GALNTL6: variants seen among roughly 807,000 people sequenced by gnomAD.
GALNTL6 encodes polypeptide N-acetylgalactosaminyltransferase like 6.
Under a neutral mutation model 73.7 loss-of-function variants are expected in GALNTL6, and 46 were observed. The observed-to-expected ratio is 0.62, with a 90% CI of 0.49 to 0.80. GALNTL6 has a LOEUF of 0.80. Ranked by LOEUF, GALNTL6 falls within the 30% of genes least tolerant of loss-of-function variation. The probability of loss-of-function intolerance (pLI) is 0.00; values close to 1 mark genes in which losing one functional copy is unlikely to be tolerated. For missense variants in GALNTL6, 604 were observed against 755.0 expected, an observed-to-expected ratio of 0.80 and a Z score of 2.34; for synonymous variants, 259 against 263.7, an observed-to-expected ratio of 0.98 and a Z score of 0.17.
intron 5 of GALNTL6, among the ~76,000 whole-genome samples, chr4:172,497,780 G>A (rs1034097233): frequency 3.2e-4 from 48 of 152,226 alleles, no homozygotes; most frequent in African/African-American, 9.1e-4. Context: ...AGAAAAATAC[G>A]AAAGGAAAGG....
intron 3 of GALNTL6, among the ~76,000 whole-genome samples, chr4:172,282,733 A>G (rs968617776): frequency 6.6e-6 from 1 of 151,898 alleles, no homozygotes; most frequent in African/African-American, 2.4e-5. Context: ...TAAAAGGATT[A>G]GGGTGATGGC....
At chr4:171,922,934 GA>G (rs755857857) in intron 2 of GALNTL6, among the ~76,000 whole-genome samples, 10 of 151,942 alleles carry the variant, frequency 6.6e-5, no homozygotes, top group Admixed American at 5.2e-4. Flanking sequence ...ATTGTCTCAA[GA>G]TACATAATTG....
At chr4:172,277,841 C>T (rs1738892285) in intron 3 of GALNTL6, among the ~76,000 whole-genome samples, 1 of 152,146 alleles carries the variant, frequency 6.6e-6, no homozygotes, top group African/African-American at 2.4e-5. Context: ...TAATTTTTAA[C>T]ATATTTCATT....
chr4:172,266,691 CT>C (rs1163256766), intron 3 of GALNTL6, among the ~76,000 whole-genome samples: 1 of 151,994 alleles, frequency 6.6e-6, no homozygotes, highest in African/African-American at 2.4e-5. Flanking sequence ...TTTTTCATCC[CT>C]TTCCCTACAG....
intron 5 of GALNTL6, among the ~76,000 whole-genome samples, chr4:172,518,227 C>T (rs1448494220): frequency 6.6e-6 from 1 of 151,810 alleles, no homozygotes; most frequent in Non-Finnish European, 1.5e-5. Context: ...ATTTTTTCAT[C>T]TATTTTTCTT....
rs1223861286 is a variant in GALNTL6 at position 172,068,635 on chromosome 4, T to C, written c.139-161021T>C. Among the ~76,000 whole-genome samples the C allele has an allele frequency of 1.8e-5, 2 of 110,028 alleles. 1 individual carries two copies. 72.2% of individuals were successfully genotyped at this position (110,028 alleles called of 152,430 possible). A position where few individuals can be genotyped will look rare whatever the true frequency, so the allele number is the denominator to read the frequency against. ...CCAGTCGCTCTTTATTCCATCACTC[T>C]AGTTTGTTCTTTTTTACACATTAAT... is the stretch of plus-strand genomic sequence containing the variant. On this transcript the variant is annotated intron_variant, in intron 2 of 12. Transcript: ENST00000506823.
At chr4:172,486,470 A>G (rs543271498) in intron 5 of GALNTL6, among the ~76,000 whole-genome samples, 39 of 152,314 alleles carry the variant, frequency 2.6e-4, no homozygotes, top group African/African-American at 8.9e-4. Context: ...TCTTATTTTC[A>G]AGTTCTTTAA....
chr4:172,190,805 C>G (rs937485441), intron 2 of GALNTL6, among the ~76,000 whole-genome samples: 5 of 152,200 alleles, frequency 3.3e-5, no homozygotes, highest in African/African-American at 1.2e-4. Context: ...CACACTGTGA[C>G]GAAGGAAAAT....
intron 2 of GALNTL6, among the ~76,000 whole-genome samples, chr4:172,103,982 T>C (rs1430544812): frequency 6.6e-6 from 1 of 151,878 alleles, no homozygotes; most frequent in Non-Finnish European, 1.5e-5. Flanking sequence ...CTCGCTCTTT[T>C]GCCCAGGCTG....
chr4:172,377,912 A>G (rs1174771552), intron 5 of GALNTL6, among the ~76,000 whole-genome samples: 2 of 142,006 alleles, frequency 1.4e-5, no homozygotes, highest in Non-Finnish European at 3.1e-5. Context: ...CCCCCCCCCC[A>G]TGCCTCTTCC....
At chr4:171,989,243 G>A (rs1337930811) in intron 2 of GALNTL6, among the ~76,000 whole-genome samples, 1 of 152,118 alleles carries the variant, frequency 6.6e-6, no homozygotes, top group East Asian at 1.9e-4. Flanking sequence ...TCAAAGCTTG[G>A]TGTCCGTGAT....
chr4:171,954,385 G>A (rs1738981968), intron 2 of GALNTL6, among the ~76,000 whole-genome samples: 1 of 152,130 alleles, frequency 6.6e-6, no homozygotes, highest in African/African-American at 2.4e-5. Context: ...ATGAGGACTA[G>A]CTTGTGTTGT....
At chr4:172,036,376 T>A (rs1741930329) in intron 2 of GALNTL6, among the ~76,000 whole-genome samples, 1 of 152,128 alleles carries the variant, frequency 6.6e-6, no homozygotes, top group Non-Finnish European at 1.5e-5. Context: ...TCACACGATG[T>A]CAGTAACTAA....
At chr4:172,254,592 T>C (rs1018745007) in intron 3 of GALNTL6, among the ~76,000 whole-genome samples, 1 of 151,776 alleles carries the variant, frequency 6.6e-6, no homozygotes, top group African/African-American at 2.4e-5. Context: ...TTTCATAAAG[T>C]GTAACATTAT....
intron 2 of GALNTL6, among the ~76,000 whole-genome samples, chr4:172,172,568 AAGG>A (rs1201687935): frequency 6.6e-6 from 1 of 151,998 alleles, no homozygotes; most frequent in Non-Finnish European, 1.5e-5. Context: ...GTAAAAACAC[AAGG>A]AGGAGAAGAC....
intron 7 of GALNTL6, among the ~76,000 whole-genome samples, chr4:172,850,332 A>C (rs1236560415): frequency 6.6e-6 from 1 of 152,198 alleles, no homozygotes; most frequent in African/African-American, 2.4e-5. Context: ...ACTCAAGTTA[A>C]AAGAGATCAC....
At chr4:171,836,471 A>G (rs1735098002) in intron 2 of GALNTL6, among the ~76,000 whole-genome samples, 1 of 151,772 alleles carries the variant, frequency 6.6e-6, no homozygotes, top group African/African-American at 2.4e-5. Context: ...TAATATTTCT[A>G]CTATCATCTT....
At chr4:172,398,047 C>T (rs1037296180) in intron 5 of GALNTL6, among the ~76,000 whole-genome samples, 1 of 152,076 alleles carries the variant, frequency 6.6e-6, no homozygotes. Context: ...AGGCAATTGT[C>T]TTTTCTGTTT....
intron 5 of GALNTL6, among the ~76,000 whole-genome samples, chr4:172,470,155 A>G (rs1253079834): frequency 6.6e-6 from 1 of 152,210 alleles, no homozygotes; most frequent in Non-Finnish European, 1.5e-5. Flanking sequence ...CCTAAGCACC[A>G]GGCAATATGT....
Sources: gnomAD v4.1 joint callset for allele counts (sites outside exome capture counted in the v4.1 genomes callset) on GRCh38, gnomAD v4.1.1 for gene constraint, MANE v1.5 for transcripts, NCBI Gene and HGNC (gene_info 2026-07-23, HGNC 2026-07-21) for gene names.